The following STAMBPL1 variants were observed in gnomAD, a reference collection of about 807,000 sequenced individuals.
STAMBPL1 encodes the protein AMSH-like protease.
Under a neutral mutation model 52.9 loss-of-function variants are expected in STAMBPL1, and 44 were observed. The ratio of observed to expected loss-of-function variants is 0.83; its 90% CI spans 0.65 to 1.07. STAMBPL1 has a LOEUF of 1.07. STAMBPL1 is among the 50% of genes least tolerant of loss of function. STAMBPL1 has a pLI of 0.00. For synonymous variants in STAMBPL1, 164 were observed against 177.3 expected, an observed-to-expected ratio of 0.92 and a Z score of 0.60; for missense variants, 511 against 520.8, an observed-to-expected ratio of 0.98 and a Z score of 0.18.
Position 88,916,754 on chromosome 10 carries a change from G to A in STAMBPL1, c.978G>A (p.Glu326=), listed in dbSNP as rs748154366. The A allele has an allele frequency of 6.2e-7, 1 of 1,610,086 alleles. No homozygotes were observed. Among genetic ancestry groups the A allele is most frequent in the Non-Finnish European group, 8.5e-7 (1 of 1,178,368 alleles). The change falls in exon 8 of 11, where the codon GAG becomes GAA. Residue 326 remains glutamate, a synonymous_variant. Coordinates refer to ENST00000371926, the MANE Select transcript of STAMBPL1 (RefSeq NM_020799.4). ...CGGGACCAGACTATTGTGACATGGA[G>A]AATGTAGAGGAATTATTCAATGTTC... ...QSAGPDYCDM[E]NVEELFNVQD...
intron 1 of STAMBPL1, among the ~76,000 whole-genome samples, chr10:88,898,648 A>G (rs78936194): frequency 1.2e-3 from 190 of 152,310 alleles, no homozygotes; most frequent in African/African-American, 4.5e-3. Context: ...AATAGTTTTT[A>G]TCTATAGTAA....
At chr10:88,888,207 G>A (rs1404427812) in intron 1 of STAMBPL1, among the ~76,000 whole-genome samples, 3 of 152,220 alleles carry the variant, frequency 2.0e-5, no homozygotes, top group African/African-American at 4.8e-5. Context: ...ACATTAGTGA[G>A]TAGTGGAAGA....
In STAMBPL1 at chr10:88,921,348, C is replaced by T. The variant is rs1236910820; in HGVS notation, c.1107C>T (p.Leu369=). 1 of 1,613,352 alleles carries T rather than the reference C, an allele frequency of 6.2e-7. No individual in the cohort carries two copies. The change falls in exon 9 of 11, where the codon CTC becomes CTT. Residue 369 remains leucine, a synonymous_variant. Coordinates refer to ENST00000371926, the MANE Select transcript of STAMBPL1 (RefSeq NM_020799.4). Reference sequence around the variant, plus strand: ...TTCACACTCACTGTTCCTATCAACTCATGTTGCCAGAGGCCATTGCCATTG... The same window carrying T: ...TTCACACTCACTGTTCCTATCAACTTATGTTGCCAGAGGCCATTGCCATTG... ...VDLHTHCSYQ[L]MLPEAIAIVC... is the part of the protein sequence containing the mutation.
chr10:88,898,789 C>A (rs774499491), intron 1 of STAMBPL1, among the ~76,000 whole-genome samples: 13 of 152,212 alleles, frequency 8.5e-5, no homozygotes, highest in Admixed American at 1.3e-4. Flanking sequence ...CTGAATCCAC[C>A]TTTCCTCTCT....
Position 88,913,397 on chromosome 10 carries a change from T to C in STAMBPL1, c.717T>C (p.Ala239=). The C allele has an allele frequency of 6.2e-7, 1 of 1,613,756 alleles. No homozygotes were observed. Among genetic ancestry groups the C allele is most frequent in the Non-Finnish European group, 8.5e-7 (1 of 1,179,788 alleles). Reference sequence around the variant, plus strand: ...ATAAAAGTGATGCAACCAATTATGCTAGCCACTCTCCTCCTGTAAACAGGG... The same window carrying C: ...ATAAAAGTGATGCAACCAATTATGCCAGCCACTCTCCTCCTGTAAACAGGG... ...QPNKSDATNY[A]SHSPPVNRAL... Residue 239 remains alanine (A), a synonymous_variant, in exon 6 of 11, where the codon GCT becomes GCC. Coordinates refer to ENST00000371926, the MANE Select transcript of STAMBPL1 (RefSeq NM_020799.4).
chr10:88,920,668 C>G (rs554697352), intron 8 of STAMBPL1, among the ~76,000 whole-genome samples: 1 of 151,952 alleles, frequency 6.6e-6, no homozygotes, highest in East Asian at 1.9e-4. Context: ...TTATAATCCC[C>G]CTTTTTTTCT....
chr10:88,889,643 T>A (rs531394107), intron 1 of STAMBPL1, among the ~76,000 whole-genome samples: 77 of 152,338 alleles, frequency 5.1e-4, no homozygotes, highest in South Asian at 1.4e-3. Flanking sequence ...TTTAAAATAA[T>A]TTTAGACTTT....
chr10:88,896,549 G>A (rs1334435510), intron 1 of STAMBPL1, among the ~76,000 whole-genome samples: 1 of 152,184 alleles, frequency 6.6e-6, no homozygotes, highest in African/African-American at 2.4e-5. Context: ...AGTGGCTGTT[G>A]GTTTGGCCAA....
At chr10:88,903,215 A>G (rs1844990392) in intron 2 of STAMBPL1, among the ~76,000 whole-genome samples, 1 of 152,162 alleles carries the variant, frequency 6.6e-6, no homozygotes, top group Non-Finnish European at 1.5e-5. Context: ...ACTTTAGGTT[A>G]TTTTCCAGCT....
rs973214409 is a variant in STAMBPL1, at chr10:88,921,185, G to T, written c.1042-98G>T. On this transcript the variant is annotated intron_variant, in intron 8 of 10. Transcript: ENST00000371926. ...TAAAAATCCTTATTTGATTAATGATGGTAAAAACTAAAAAAAAACAGAGTT... is the reference window on the plus strand; with the variant it reads ...TAAAAATCCTTATTTGATTAATGATTGTAAAAACTAAAAAAAAACAGAGTT... 1.2e-5 allele frequency: 11 copies of T among 881,218 alleles called. No individual in the cohort carries two copies. In the Middle Eastern group the frequency reaches 7.0e-4, roughly 56 times the overall value. 54.6% of individuals were successfully genotyped at this position (881,218 alleles called of 1,614,324 possible).
At chr10:88,892,307 C>G (rs1315603582) in intron 1 of STAMBPL1, among the ~76,000 whole-genome samples, 1 of 151,678 alleles carries the variant, frequency 6.6e-6, no homozygotes, top group Non-Finnish European at 1.5e-5. Context: ...TCAGTGGGGC[C>G]TAGAAATCTG....
intron 1 of STAMBPL1, among the ~76,000 whole-genome samples, chr10:88,883,833 C>T (rs906211412): frequency 2.6e-5 from 4 of 152,162 alleles, no homozygotes; most frequent in African/African-American, 9.7e-5. Context: ...TGTAGTTAAC[C>T]TTTCAAGGTA....
rs949416277 is a variant in STAMBPL1 at position 88,901,766 on chromosome 10, T to C, written c.30+28T>C. The C allele has an allele frequency of 2.5e-6, 4 of 1,607,728 alleles. No individual in the cohort carries two copies. The Admixed American group carries it at 5.1e-5, about 21-fold the overall frequency. Reference sequence around the variant, plus strand: ...AGGTCACACCAGCTGATATCTAACATTTGGTTGGAAAGCCCAAAAAGAAGA... The same window carrying C: ...AGGTCACACCAGCTGATATCTAACACTTGGTTGGAAAGCCCAAAAAGAAGA... On this transcript the variant is annotated intron_variant, in intron 2 of 10. Transcript: ENST00000371926.
intron 4 of STAMBPL1, 46 bp from the exon 5 acceptor site, chr10:88,910,870 T>A: frequency 7.5e-7 from 1 of 1,333,700 alleles, no homozygotes; most frequent in Non-Finnish European, 1.0e-6. Flanking sequence ...TCTGAAAGAG[T>A]GTATTGAAAA....
At chr10:88,922,833 C>G (rs1845548840) in intron 10 of STAMBPL1, among the ~76,000 whole-genome samples, 1 of 152,044 alleles carries the variant, frequency 6.6e-6, no homozygotes, top group Non-Finnish European at 1.5e-5. Flanking sequence ...AAACTATGAT[C>G]ATACTTCTTG....
In STAMBPL1 at chr10:88,892,613, A is replaced by T. The variant is rs528085273; in HGVS notation, c.-53-9043A>T. Among the ~76,000 whole-genome samples, 8 of 152,310 alleles carry T rather than the reference A, an allele frequency of 5.3e-5. No individual in the cohort carries two copies. In the East Asian group the frequency reaches 1.5e-3, roughly 29 times the overall value. On this transcript the variant is annotated intron_variant, in intron 1 of 10. Transcript: ENST00000371926. ...AAATGGATTGCCAGGGAAAGTTAAG[A>T]AGGAAACTTTTTTCTGTTTCTGCCT...
rs1845280981 is a variant in STAMBPL1 at position 88,913,424 on chromosome 10, C to A, written c.744C>A (p.Ala248=). Residue 248 remains alanine (A), a synonymous_variant, in exon 6 of 11, where the codon GCC becomes GCA. Coordinates refer to ENST00000371926, the MANE Select transcript of STAMBPL1 (RefSeq NM_020799.4). ...GCCACTCTCCTCCTGTAAACAGGGC[C>A]TTAACGCCAGCTGCTACTCTAAGTG... The part of the protein sequence containing the change: ...YASHSPPVNR[A]LTPAATLSAV... 3 of 1,613,432 alleles carry A rather than the reference C, an allele frequency of 1.9e-6. No individual in the cohort carries two copies. The highest frequency in any genetic ancestry group is 2.5e-6 in the Non-Finnish European group (3 of 1,179,596).
At position 88,905,497 on chromosome 10, in the gene STAMBPL1, C is replaced by A. The variant is rs779902244; in HGVS notation, c.85C>A (p.Arg29=). ...HTDVSLSPEE[R]VRALSKLGCN... The stretch of plus-strand genomic sequence containing the variant: ...AGATGTTTCCCTAAGCCCAGAAGAG[C>A]GAGTCCGTGCCCTAAGCAAGCTTGG... Residue 29 remains arginine, a synonymous_variant, in exon 3 of 11, where the codon CGA becomes AGA. Transcript: ENST00000371926. 6.2e-7 allele frequency: 1 copy of A among 1,614,058 alleles called. No homozygotes were observed. Among genetic ancestry groups the A allele is most frequent in the South Asian group, 1.1e-5 (1 of 91,082 alleles).
chr10:88,882,956 C>T (rs1490311793), intron 1 of STAMBPL1: 2 of 151,736 alleles, frequency 1.3e-5, no homozygotes, highest in South Asian at 4.2e-4. Flanking sequence ...GTGTGCTGCA[C>T]CCATTAACTC....
Sources: gnomAD v4.1 joint callset for allele counts (sites outside exome capture counted in the v4.1 genomes callset) on GRCh38, gnomAD v4.1.1 for gene constraint, MANE v1.5 for transcripts, NCBI Gene and HGNC (gene_info 2026-07-23, HGNC 2026-07-21) for gene names.